The following ZNF793 variants were observed in gnomAD, a reference collection of about 807,000 sequenced individuals.
The protein encoded by ZNF793 is zinc finger protein 793.
ZNF793 carries 5 observed loss-of-function variants against 12.4 expected under a neutral mutation model. That is an observed-to-expected ratio of 0.40 (90% CI 0.21 to 0.84). The LOEUF (loss-of-function observed/expected upper bound fraction) is 0.84. ZNF793 is among the 40% of genes least tolerant of loss of function. The pLI is 0.35. For missense variants in ZNF793, 456 were observed against 495.0 expected (o/e 0.92, Z 0.75); for synonymous variants, 162 against 172.4 (o/e 0.94, Z 0.47).
chr19:37,536,861 A>T, intron 7 of ZNF793, 36 bp from the exon 8 acceptor site: 1 of 1,551,942 alleles, frequency 6.4e-7, no homozygotes, highest in Non-Finnish European at 8.7e-7. Flanking sequence ...AAGTAGTATG[A>T]AGTTTCATAA....
At chr19:37,528,146 T>G (rs966644632) in intron 5 of ZNF793, among the ~76,000 whole-genome samples, 6 of 151,964 alleles carry the variant, frequency 3.9e-5, no homozygotes, top group African/African-American at 1.2e-4. Context: ...ATTAATTAAT[T>G]AATTAAGTAA....
intron 7 of ZNF793, chr19:37,533,759 C>T (rs1176182460): frequency 6.6e-6 from 3 of 455,802 alleles, no homozygotes; most frequent in African/African-American, 6.0e-5. Context: ...CTAATTTCTG[C>T]ACTCAAATTT....
At chr19:37,519,284 G>C (rs1017980447) in intron 2 of ZNF793, among the ~76,000 whole-genome samples, 2 of 151,874 alleles carry the variant, frequency 1.3e-5, no homozygotes, top group Non-Finnish European at 2.9e-5. Flanking sequence ...AAAAAATTCT[G>C]ATATAAATTC....
chr19:37,541,203 T>G lies in ZNF793; in HGVS notation c.*3324T>G, dbSNP rs1260335341. On this transcript the variant is annotated 3_prime_UTR_variant, in exon 8 of 8. Transcript: ENST00000627814. ...TAAAAAGAATTCTGGAACAGAACCT[T>G]TTAATCTTAAAGGAAGAAAATTTGG... 1 of 152,190 alleles carries G rather than the reference T, an allele frequency of 6.6e-6. No individual in the cohort carries two copies. Among genetic ancestry groups the G allele is most frequent in the Non-Finnish European group, 1.5e-5 (1 of 68,040 alleles). The allele number at this position is 152,190 out of a possible 1,614,324, so 9.4% of individuals were successfully genotyped here.
intron 2 of ZNF793, among the ~76,000 whole-genome samples, chr19:37,517,264 C>T (rs897317885): frequency 1.3e-5 from 2 of 152,068 alleles, no homozygotes; most frequent in Non-Finnish European, 2.9e-5. Flanking sequence ...ATTACTGTTT[C>T]CTGCCTTCAT....
At chr19:37,510,130 G>GT (rs2042281669) in intron 2 of ZNF793, among the ~76,000 whole-genome samples, 1 of 152,130 alleles carries the variant, frequency 6.6e-6, no homozygotes, top group Non-Finnish European at 1.5e-5. Flanking sequence ...GAAGGCTGGG[G>GT]TAGGAGGGTT....
rs183189493 is a variant in ZNF793, at chr19:37,536,979, A to T, written c.321A>T (p.Thr107=). Residue 107 remains threonine (T), a synonymous_variant, in exon 8 of 8, where the codon ACA becomes ACT. Coordinates refer to ENST00000627814, the MANE Select transcript of ZNF793 (RefSeq NM_001013659.3). ...CAGGCGCAGCCATAAGCAAGAAAAC[A>T]TTGCCCAAGGAGAAAAGCTGTGAAT... ...LRPGAAISKK[T]LPKEKSCEYN... is the part of the protein sequence containing the mutation. The T allele has an allele frequency of 6.3e-5, 102 of 1,613,910 alleles. No individual in the cohort carries two copies. In the South Asian group the frequency reaches 1.0e-3, roughly 16 times the overall value.
intron 7 of ZNF793, chr19:37,536,620 C>G: frequency 2.3e-6 from 1 of 430,548 alleles, no homozygotes; most frequent in Non-Finnish European, 4.1e-6. Flanking sequence ...GCCCACAAAG[C>G]CTTTACTTTC....
In ZNF793 at chr19:37,526,252, A is replaced by C. The variant is rs151210167; in HGVS notation, c.15+2798A>C. Reference sequence around the variant, plus strand: ...TTCAGCCTCCCGAGTAGCTGGGACTATAGGCGCATGCCACTATGCCCAGCT... The same window carrying C: ...TTCAGCCTCCCGAGTAGCTGGGACTCTAGGCGCATGCCACTATGCCCAGCT... On this transcript the variant is annotated intron_variant, in intron 5 of 7. Transcript: ENST00000627814. Among the ~76,000 whole-genome samples the C allele has an allele frequency of 1.4e-3, 209 of 152,316 alleles. 1 individual carries two copies. Among genetic ancestry groups the C allele is most frequent in the African/African-American group, 4.9e-3 (202 of 41,578 alleles).
chr19:37,510,731 C>A (rs1349308688), intron 2 of ZNF793, among the ~76,000 whole-genome samples: 1 of 150,204 alleles, frequency 6.7e-6, no homozygotes, highest in Admixed American at 6.6e-5. Context: ...GGGTCTCACT[C>A]TATTGCCCAG....
rs1162919460 is a variant in ZNF793 at position 37,537,644 on chromosome 19, A to G, written c.986A>G (p.His329Arg). The change falls in exon 8 of 8, where the codon CAT (histidine) becomes CGT (arginine). Residue 329 changes from histidine (H) to arginine (R), a missense_variant. His to Arg is a conservative substitution (Grantham distance 29, BLOSUM62 0). Transcript: ENST00000627814. ...GGTGAGAAGTCATACCTCAATGTACATCGAAAAATGCACACAGGAGAAAGA... is the reference window on the plus strand; with the variant it reads ...GGTGAGAAGTCATACCTCAATGTACGTCGAAAAATGCACACAGGAGAAAGA... Reference protein sequence around the residue: ...SFGEKSYLNVHRKMHTGERPY... With the variant: ...SFGEKSYLNVRRKMHTGERPY... The G allele has an allele frequency of 2.5e-6, 4 of 1,613,910 alleles. No homozygotes were observed. Among genetic ancestry groups the G allele is most frequent in the South Asian group, 2.2e-5 (2 of 91,084 alleles).
chr19:37,518,255 A>G (rs928588189), intron 2 of ZNF793, among the ~76,000 whole-genome samples: 1 of 152,020 alleles, frequency 6.6e-6, no homozygotes, highest in Non-Finnish European at 1.5e-5. Flanking sequence ...CCTCCCGAGT[A>G]GCTGGGATTA....
Position 37,542,579 on chromosome 19 carries a change from A to G in ZNF793, c.*4700A>G, listed in dbSNP as rs2042558897. 1 of 303,446 alleles carries G rather than the reference A, an allele frequency of 3.3e-6. No homozygotes were observed. The highest frequency in any genetic ancestry group is 2.2e-5 in the African/African-American group (1 of 45,822). 18.8% of individuals were successfully genotyped at this position (303,446 alleles called of 1,614,324 possible). A position where few individuals can be genotyped will look rare whatever the true frequency, so the allele number is the denominator to read the frequency against. On this transcript the variant is annotated 3_prime_UTR_variant, in exon 8 of 8. Transcript: ENST00000627814. The stretch of plus-strand genomic sequence containing the variant: ...AAAACCAAAGCAAACACTAGAATCA[A>G]AGTAAATACCCATCAACTGGGAAAT...
In ZNF793 at chr19:37,532,848, A is replaced by G. The variant is rs143788025; in HGVS notation, c.142+366A>G. On this transcript the variant is annotated intron_variant, in intron 6 of 7. Coordinates refer to ENST00000627814, the MANE Select transcript of ZNF793 (RefSeq NM_001013659.3). The stretch of plus-strand genomic sequence containing the variant: ...ATAAAAAATAAAAAAAAAGCAACGG[A>G]AGTACTCTAGAACTTCTGAAATATT... Among the ~76,000 whole-genome samples, 872 of 152,234 alleles carry G rather than the reference A, an allele frequency of 5.7e-3. 3 individuals carry two copies. The highest frequency in any genetic ancestry group is 0.011 in the Admixed American group (165 of 15,274).
At chr19:37,528,982 C>T (rs1176928592) in intron 5 of ZNF793, among the ~76,000 whole-genome samples, 1 of 152,106 alleles carries the variant, frequency 6.6e-6, no homozygotes, top group Non-Finnish European at 1.5e-5. Flanking sequence ...CCAGGCAGGT[C>T]CAGCACAACA....
intron 5 of ZNF793, among the ~76,000 whole-genome samples, chr19:37,530,990 G>A (rs1286155353): frequency 6.6e-6 from 1 of 151,998 alleles, no homozygotes; most frequent in Admixed American, 6.6e-5. Context: ...TGATTTTAGT[G>A]GTTACTTCAG....
chr19:37,531,983 A>G (rs1277093041), intron 5 of ZNF793, among the ~76,000 whole-genome samples: 1 of 151,954 alleles, frequency 6.6e-6, no homozygotes. Context: ...ACTTATAAAC[A>G]TTATAAAAAT....
At chr19:37,521,894 A>G (rs1234634866) in intron 3 of ZNF793, among the ~76,000 whole-genome samples, 1 of 152,148 alleles carries the variant, frequency 6.6e-6, no homozygotes, top group African/African-American at 2.4e-5. Context: ...ATATATGTAT[A>G]TAGATAATTA....
At chr19:37,523,305 AC>A (rs2147081679) in intron 4 of ZNF793, 104 bp from the exon 5 acceptor site, 1 of 883,874 alleles carries the variant, frequency 1.1e-6, no homozygotes, top group Non-Finnish European at 1.8e-6. Context: ...GGATTTTTGT[AC>A]AATATTTACA....
Sources: gnomAD v4.1 joint callset for allele counts (sites outside exome capture counted in the v4.1 genomes callset) on GRCh38, gnomAD v4.1.1 for gene constraint, MANE v1.5 for transcripts, NCBI Gene and HGNC (gene_info 2026-07-23, HGNC 2026-07-21) for gene names.